HSPA9: variants seen among roughly 807,000 people sequenced by gnomAD.
HSPA9 encodes the protein heat shock protein family A (Hsp70) member 9.
A neutral mutation model predicts 81.5 loss-of-function variants in HSPA9; 28 were observed. That is an observed-to-expected ratio of 0.34 (90% CI 0.25 to 0.47). The LOEUF (loss-of-function observed/expected upper bound fraction) is 0.47, where lower values mean the gene tolerates loss of function less well. Ranked by LOEUF, HSPA9 falls within the 20% of genes least tolerant of loss-of-function variation. The pLI, the probability that HSPA9 is intolerant of heterozygous loss-of-function variation, is 1.00. For synonymous variants in HSPA9, 293 were observed against 290.4 expected (o/e 1.01, Z -0.09); for missense variants, 678 against 838.0 (o/e 0.81, Z 2.36).
At chr5:138,560,592 G>A (rs1301256160) in intron 10 of HSPA9, among the ~76,000 whole-genome samples, 2 of 147,252 alleles carry the variant, frequency 1.4e-5, no homozygotes, top group South Asian at 4.3e-4. Context: ...ACGGAGTCTC[G>A]CTGTGTCGCT....
rs139668917 is a variant in HSPA9, at chr5:138,556,411, C to T, written c.1962+41G>A. The T allele has an allele frequency of 7.7e-5, 124 of 1,607,198 alleles. No individual in the cohort carries two copies. The African/African-American group carries it at 1.5e-3, about 19-fold the overall frequency. On this transcript the variant is annotated intron_variant, in intron 16 of 16. Transcript: ENST00000297185. The stretch of plus-strand genomic sequence containing the variant: ...TGACAGTCATCAAGAACAGTTCCAT[C>T]CAGATCAAGTTAGAATCAAAATCCA...
Position 138,575,229 on chromosome 5 carries a change from G to C in HSPA9, c.81+9C>G. The C allele has an allele frequency of 6.3e-7, 1 of 1,593,842 alleles. No homozygotes were observed. Among genetic ancestry groups the C allele is most frequent in the South Asian group, 1.1e-5 (1 of 88,346 alleles). On this transcript the variant is annotated intron_variant, in intron 1 of 16. Coordinates refer to ENST00000297185, the MANE Select transcript of HSPA9 (RefSeq NM_004134.7). ...CGTGACCCCATTCGGGAAGGTCCCA[G>C]TTCCTCACCTGGTGGCGGGCGGCCG...
In HSPA9 at chr5:138,571,250, G is replaced by A. The variant is rs1212772948; in HGVS notation, c.229-109C>T. ...GGCTGGAGTACAATGGCACAATCTT[G>A]GCTCACTGCAACCTCCGCATCCTGG... On this transcript the variant is annotated intron_variant, in intron 3 of 16. Transcript: ENST00000297185. 4.5e-6 allele frequency: 5 copies of A among 1,104,898 alleles called. No individual in the cohort carries two copies. In the East Asian group the frequency reaches 1.0e-4, roughly 23 times the overall value. 68.4% of individuals were successfully genotyped at this position (1,104,898 alleles called of 1,614,324 possible).
At chr5:138,574,883 G>A in intron 1 of HSPA9, 1 of 365,264 alleles carries the variant, frequency 2.7e-6, no homozygotes, top group Non-Finnish European at 5.0e-6. Context: ...GTATTCTGTA[G>A]AGGAGCCAAA....
At chr5:138,563,707 A>G (rs767126639) in intron 9 of HSPA9, among the ~76,000 whole-genome samples, 2 of 152,250 alleles carry the variant, frequency 1.3e-5, no homozygotes, top group African/African-American at 2.4e-5. Context: ...CTCTAGCCCA[A>G]GGGTATCCAA....
At chr5:138,563,435 A>C (rs1014148829) in intron 9 of HSPA9, among the ~76,000 whole-genome samples, 2 of 152,096 alleles carry the variant, frequency 1.3e-5, no homozygotes, top group African/African-American at 4.8e-5. Context: ...CATCTATCAC[A>C]ATGTTCTTTC....
chr5:138,567,067 G>T lies in HSPA9; in HGVS notation c.813C>A (p.Thr271=). The T allele has an allele frequency of 6.2e-7, 1 of 1,613,690 alleles. No homozygotes were observed. The highest frequency in any genetic ancestry group is 8.5e-7 in the Non-Finnish European group (1 of 1,179,890). ...GGTCAAAGTCTTCCCCACCTAAGAA[G>T]GTATCCCCATTTGTGGATTTCACCT... The part of the protein sequence containing the change: ...VFEVKSTNGD[T]FLGGEDFDQA... The change falls in exon 8 of 17, where the codon ACC becomes ACA. Residue 271 remains threonine, a synonymous_variant. Transcript: ENST00000297185.
intron 1 of HSPA9, 181 bp from the exon 2 acceptor site, chr5:138,574,307 G>C (rs1209442011): frequency 1.6e-6 from 1 of 643,968 alleles, no homozygotes; most frequent in Non-Finnish European, 2.8e-6. Context: ...TCACATTACA[G>C]TAGGATTTCT....
At chr5:138,565,708 G>A (rs1380298762) in intron 9 of HSPA9, among the ~76,000 whole-genome samples, 1 of 152,120 alleles carries the variant, frequency 6.6e-6, no homozygotes, top group Non-Finnish European at 1.5e-5. Context: ...TTCTAGACTG[G>A]TGATTCAAAT....
intron 8 of HSPA9, 96 bp downstream of exon 8, chr5:138,566,905 G>C: frequency 1.5e-6 from 2 of 1,299,734 alleles, no homozygotes. Flanking sequence ...TAGAATAAGG[G>C]GGTTGAACTG....
At chr5:138,556,962 T>C in intron 14 of HSPA9, 96 bp from the exon 15 acceptor site, 1 of 871,338 alleles carries the variant, frequency 1.1e-6, no homozygotes, top group Non-Finnish European at 2.0e-6. Context: ...TACATACAGT[T>C]ACAGATAAAA....
chr5:138,566,597 C>T (rs1172603816), intron 9 of HSPA9, 29 bp downstream of exon 9: 2 of 1,460,726 alleles, frequency 1.4e-6, no homozygotes, highest in South Asian at 1.1e-5. Context: ...AAATATCCAT[C>T]AAGACTGCTC....
chr5:138,559,102 AT>A (rs34616432), intron 11 of HSPA9: 9,745 of 175,616 alleles, frequency 0.055, no homozygotes, highest in South Asian at 0.14. Flanking sequence ...TCAGGAAATA[AT>A]TTTTTTTTTT....
At position 138,558,657 on chromosome 5, in the gene HSPA9, C is replaced by G. The variant is rs200604860; in HGVS notation, c.1411G>C (p.Val471Leu). 5.0e-6 allele frequency: 8 copies of G among 1,600,834 alleles called. No homozygotes were observed. Among genetic ancestry groups the G allele is most frequent in the Admixed American group, 1.7e-5 (1 of 59,980 alleles). Reference sequence around the variant, plus strand: ...TGACCATCAGCGGCAGTAGAGAATACCTAGGGAAGAAGAAACCCTCCTGGG... The same window carrying G: ...TGACCATCAGCGGCAGTAGAGAATAGCTAGGGAAGAAGAAACCCTCCTGGG... ...NTTIPTKKSQ[V>L]FSTAADGQTQ... is the part of the protein sequence containing the mutation. Residue 471 changes from valine (V) to leucine (L), a missense_variant and splice_region_variant, in exon 12 of 17, where the codon GTA (valine) becomes CTA (leucine). Val to Leu is a conservative substitution (Grantham distance 32). This residue lies in a region of HSPA9 where 484 missense variants were observed against 647.5 expected (regional missense o/e 0.75). Transcript: ENST00000297185.
At position 138,574,101 on chromosome 5, in the gene HSPA9, T is replaced by A; in HGVS notation, c.107A>T (p.Glu36Val). The A allele has an allele frequency of 6.2e-7, 1 of 1,613,848 alleles. No individual in the cohort carries two copies. Among genetic ancestry groups the A allele is most frequent in the Non-Finnish European group, 8.5e-7 (1 of 1,179,798 alleles). ...CCGCCTTGAAACAAGTCTAAAAGCC[T>A]CATGACTAAGGCCATTCCAGCTATC... ...HQDSWNGLSHEAFRLVSRRDY... is the reference protein window; with the variant it reads ...HQDSWNGLSHVAFRLVSRRDY... The change falls in exon 2 of 17, where the codon GAG becomes GTG. Residue 36 changes from glutamate to valine, a missense_variant. By Grantham distance (121) the Glu-to-Val change is moderately radical. Around this residue, in one of 4 missense-constraint regions of HSPA9, gnomAD observed 89 missense variants for 70.4 expected, o/e 1.27. Transcript: ENST00000297185.
chr5:138,564,012 C>G (rs41295733), intron 9 of HSPA9, among the ~76,000 whole-genome samples: 112 of 152,336 alleles, frequency 7.4e-4, no homozygotes, highest in African/African-American at 2.5e-3. Flanking sequence ...GCCCATTTAT[C>G]TTTTTCTGAT....
chr5:138,568,894 A>ACT (rs41295711), intron 5 of HSPA9, 31 bp downstream of exon 5: 2 of 1,611,166 alleles, frequency 1.2e-6, no homozygotes, highest in East Asian at 2.2e-5. Flanking sequence ...TGTTCTTAGA[A>ACT]CTTTCCCAGA....
At chr5:138,564,804 G>C (rs1750730146) in intron 9 of HSPA9, among the ~76,000 whole-genome samples, 1 of 152,128 alleles carries the variant, frequency 6.6e-6, no homozygotes, top group Non-Finnish European at 1.5e-5. Context: ...ACAACTCTTA[G>C]GGGAAGAGTA....
Position 138,571,036 on chromosome 5 carries a change from TG to T in HSPA9, c.333del (p.Asn112ThrfsTer60). 6.2e-7 allele frequency: 1 copy of T among 1,614,210 alleles called. No homozygotes were observed. The highest frequency in any genetic ancestry group is 8.5e-7 in the Non-Finnish European group (1 of 1,180,032). ...GTAGCATAAAATGTATTGTTTGGGT[TG>T]GTGACAGCCTGTCGCTTGGCCGGCA... ...VGMPAKRQAV[T>X]NPNNTFYATK... is the part of the protein sequence containing the mutation. On this transcript the variant is annotated frameshift_variant, in exon 4 of 17. Transcript: ENST00000297185. LOFTEE classifies it high-confidence loss of function.
Sources: allele counts gnomAD v4.1 joint callset (sites outside exome capture counted in the v4.1 genomes callset), GRCh38; gene constraint gnomAD v4.1.1; regional missense constraint gnomAD v4.1.1; transcripts MANE v1.5; gene names NCBI Gene and HGNC (gene_info 2026-07-23, HGNC 2026-07-21).